Variants in NUFIP1 observed in about 807,000 individuals in gnomAD.
NUFIP1 encodes FMR1-interacting protein NUFIP1.
Under a neutral mutation model 56.2 loss-of-function variants are expected in NUFIP1, and 38 were observed. The observed-to-expected ratio is 0.68, with a 90% CI of 0.52 to 0.89. The LOEUF (loss-of-function observed/expected upper bound fraction) is 0.89. Ranked by LOEUF, NUFIP1 falls within the 40% of genes least tolerant of loss-of-function variation. The pLI is 0.00. For synonymous variants in NUFIP1, 215 were observed against 212.4 expected, an observed-to-expected ratio of 1.01 and a Z score of -0.10; for missense variants, 567 against 605.8, an observed-to-expected ratio of 0.94 and a Z score of 0.67.
chr13:44,981,551 C>A (rs1430564611), intron 2 of NUFIP1, among the ~76,000 whole-genome samples: 1 of 152,156 alleles, frequency 6.6e-6, no homozygotes, highest in African/African-American at 2.4e-5. Flanking sequence ...GTGGCTCACG[C>A]CTTAATCCCA....
chr13:44,972,458 T>C (rs1283467147), intron 5 of NUFIP1, among the ~76,000 whole-genome samples: 1 of 152,178 alleles, frequency 6.6e-6, no homozygotes, highest in African/African-American at 2.4e-5. Flanking sequence ...AGTATGAATA[T>C]AAGAACAAAA....
intron 5 of NUFIP1, among the ~76,000 whole-genome samples, chr13:44,975,724 G>A (rs905186148): frequency 6.6e-6 from 1 of 152,176 alleles, no homozygotes; most frequent in African/African-American, 2.4e-5. Context: ...TTCCAGACTA[G>A]ATGAAGTCCC....
chr13:44,951,962 T>C (rs922504727), intron 7 of NUFIP1, among the ~76,000 whole-genome samples: 5 of 152,344 alleles, frequency 3.3e-5, no homozygotes, highest in Middle Eastern at 3.4e-3. Context: ...GGGGTGACTG[T>C]GGCAGTCTCT....
intron 5 of NUFIP1, among the ~76,000 whole-genome samples, chr13:44,969,015 A>G (rs1871712713): frequency 6.6e-6 from 1 of 152,144 alleles, no homozygotes. Context: ...AAGAAACTTA[A>G]CTTCCTAAAA....
At chr13:44,961,443 T>A (rs1186553958) in intron 6 of NUFIP1, among the ~76,000 whole-genome samples, 1 of 152,212 alleles carries the variant, frequency 6.6e-6, no homozygotes, top group Non-Finnish European at 1.5e-5. Context: ...CAGAGCAAGA[T>A]AACACATTAA....
chr13:44,958,393 T>G (rs980052399), intron 7 of NUFIP1, among the ~76,000 whole-genome samples: 1 of 152,204 alleles, frequency 6.6e-6, no homozygotes, highest in Non-Finnish European at 1.5e-5. Context: ...ATAAAGCATA[T>G]AGAGCTCAGT....
intron 5 of NUFIP1, among the ~76,000 whole-genome samples, chr13:44,971,915 T>A (rs1034382223): frequency 3.9e-5 from 6 of 152,306 alleles, no homozygotes; most frequent in African/African-American, 1.2e-4. Flanking sequence ...GGATTTATTT[T>A]TTTTTTAACC....
intron 8 of NUFIP1, among the ~76,000 whole-genome samples, chr13:44,945,090 T>C (rs964255365): frequency 6.6e-6 from 1 of 151,792 alleles, no homozygotes; most frequent in Non-Finnish European, 1.5e-5. Flanking sequence ...AAACCAGAAG[T>C]TGGTTCTTTG....
chr13:44,974,799 G>A (rs533382273), intron 5 of NUFIP1, among the ~76,000 whole-genome samples: 30 of 152,272 alleles, frequency 2.0e-4, no homozygotes, highest in African/African-American at 6.7e-4. Flanking sequence ...AAAAGGTACT[G>A]AATGAATTCA....
At chr13:44,970,364 G>GAT (rs1871759726) in intron 5 of NUFIP1, among the ~76,000 whole-genome samples, 1 of 152,138 alleles carries the variant, frequency 6.6e-6, no homozygotes, top group African/African-American at 2.4e-5. Context: ...TTTTGTCAAA[G>GAT]ATAAGGAAGC....
At chr13:44,981,166 CT>C (rs1872175167) in intron 2 of NUFIP1, among the ~76,000 whole-genome samples, 1 of 152,084 alleles carries the variant, frequency 6.6e-6, no homozygotes, top group Non-Finnish European at 1.5e-5. Context: ...AGCAGCTCAT[CT>C]TTTAGAAAAA....
rs1402180355 is a variant in NUFIP1, at chr13:44,980,734, A to C, written c.582T>G (p.Ser194=). ...KNQEKYDKHM[S]EHTKCPELDC... ...TAAGAAAACCTACTTTTGTATGTTC[A>C]GACATGTGTTTGTCATACTTTTCTT... is the stretch of plus-strand genomic sequence containing the variant. Residue 194 remains serine (S), a synonymous_variant, in exon 3 of 10, where the codon TCT becomes TCG. Transcript: ENST00000379161. The C allele has an allele frequency of 6.2e-7, 1 of 1,600,076 alleles. No individual in the cohort carries two copies. The highest frequency in any genetic ancestry group is 8.5e-7 in the Non-Finnish European group (1 of 1,176,270).
intron 1 of NUFIP1, among the ~76,000 whole-genome samples, chr13:44,985,449 G>A (rs1245655198): frequency 2.0e-5 from 3 of 152,054 alleles, no homozygotes; most frequent in Admixed American, 6.5e-5. Flanking sequence ...ACTGCACTTC[G>A]TTTTACACAG....
chr13:44,976,093 C>G (rs1441142811), intron 5 of NUFIP1, among the ~76,000 whole-genome samples: 1 of 152,008 alleles, frequency 6.6e-6, no homozygotes, highest in Non-Finnish European at 1.5e-5. Context: ...TTGAACCAAC[C>G]TCTAACTGAT....
chr13:44,952,732 G>A (rs937106958), intron 7 of NUFIP1, among the ~76,000 whole-genome samples: 6 of 152,168 alleles, frequency 3.9e-5, no homozygotes, highest in Non-Finnish European at 7.4e-5. Context: ...TACCACACTA[G>A]TATTTAAACT....
At chr13:44,983,933 A>G (rs1175455846) in intron 1 of NUFIP1, among the ~76,000 whole-genome samples, 1 of 152,192 alleles carries the variant, frequency 6.6e-6, no homozygotes, top group Non-Finnish European at 1.5e-5. Context: ...AAGAACTATG[A>G]GCCAAATAAA....
chr13:44,979,908 G>A lies in NUFIP1; in HGVS notation c.639C>T (p.Val213=). 3 of 1,602,586 alleles carry A rather than the reference G, an allele frequency of 1.9e-6. No individual in the cohort carries two copies. The highest frequency in any genetic ancestry group is 2.5e-6 in the Non-Finnish European group (3 of 1,176,588). ...AACTTACATTTCTCCAATGGAACTGGACAATCTTCTCGTGTGCAGTAAAAG... is the reference window on the plus strand; with the variant it reads ...AACTTACATTTCTCCAATGGAACTGAACAATCTTCTCGTGTGCAGTAAAAG... ...DCSFTAHEKI[V]QFHWRNMHAP... Residue 213 remains valine, a synonymous_variant, in exon 4 of 10, where the codon GTC becomes GTT. Transcript: ENST00000379161.
Position 44,989,193 on chromosome 13 carries a change from C to G in NUFIP1, c.244G>C (p.Asp82His). The change falls in exon 1 of 10, where the codon GAC becomes CAC. Residue 82 changes from aspartate (D) to histidine (H), a missense_variant. Transcript: ENST00000379161. ...QSLPGAPPPF[D>H]AQILPGAQPP... ...TGCGCCCCGGGAAGAATCTGGGCGT[C>G]GAAGGGGGGCGGAGCCCCGGGGAGA... is the stretch of plus-strand genomic sequence containing the variant. 1 of 1,611,486 alleles carries G rather than the reference C, an allele frequency of 6.2e-7. No homozygotes were observed. The highest frequency in any genetic ancestry group is 8.5e-7 in the Non-Finnish European group (1 of 1,178,840).
At chr13:44,948,923 A>G (rs2137893819) in intron 8 of NUFIP1, among the ~76,000 whole-genome samples, 1 of 152,340 alleles carries the variant, frequency 6.6e-6, no homozygotes, top group South Asian at 2.1e-4. Flanking sequence ...GCTAATGCAG[A>G]CACAAGTATA....
Sources: gnomAD v4.1 joint callset for allele counts (sites outside exome capture counted in the v4.1 genomes callset) on GRCh38, gnomAD v4.1.1 for gene constraint, MANE v1.5 for transcripts, NCBI Gene and HGNC (gene_info 2026-07-23, HGNC 2026-07-21) for gene names.